STIM2: variants seen among roughly 807,000 people sequenced by gnomAD.
STIM2 encodes the protein stromal interaction molecule 2.
A neutral mutation model predicts 85.8 loss-of-function variants in STIM2; 31 were observed. That is an observed-to-expected ratio of 0.36 (90% CI 0.27 to 0.49). STIM2 has a LOEUF of 0.49. STIM2 is among the 20% of genes least tolerant of loss of function. The pLI, the probability that STIM2 is intolerant of heterozygous loss-of-function variation, is 0.98. For synonymous variants in STIM2, 356 were observed against 331.1 expected, an observed-to-expected ratio of 1.08 and a Z score of -0.82; for missense variants, 841 against 927.6, an observed-to-expected ratio of 0.91 and a Z score of 1.21.
chr4:26,949,031 A>G (rs1478498521), intron 2 of STIM2, among the ~76,000 whole-genome samples: 1 of 152,168 alleles, frequency 6.6e-6, no homozygotes, highest in Admixed American at 6.5e-5. Flanking sequence ...GTTTCTTTGT[A>G]GAATATTATT....
chr4:27,007,708 C>A lies in STIM2; in HGVS notation c.1149+8C>A. ...GCTATTGCTAAAGATGAGGTACTCTCTTGTATTTCAAAATTTACTAAATTT... is the reference window on the plus strand; with the variant it reads ...GCTATTGCTAAAGATGAGGTACTCTATTGTATTTCAAAATTTACTAAATTT... On this transcript the variant is annotated splice_region_variant and intron_variant, in intron 8 of 11. Transcript: ENST00000467087. 6.5e-7 allele frequency: 1 copy of A among 1,544,844 alleles called. No homozygotes were observed. Among genetic ancestry groups the A allele is most frequent in the African/African-American group, 1.4e-5 (1 of 72,352 alleles).
At chr4:26,959,712 A>AT (rs752598400) in intron 3 of STIM2, among the ~76,000 whole-genome samples, 5,657 of 141,896 alleles carry the variant, frequency 0.04, 206 homozygotes, top group African/African-American at 0.1. Context: ...TGTTTACTTG[A>AT]TTTTTTTTTT....
intron 3 of STIM2, among the ~76,000 whole-genome samples, chr4:26,973,545 G>T (rs368295981): frequency 6.6e-6 from 1 of 152,104 alleles, no homozygotes; most frequent in Admixed American, 6.5e-5. Flanking sequence ...GTAGTTGTGC[G>T]GTTTTGAGTG....
At chr4:26,897,531 T>C (rs1175522098) in intron 1 of STIM2, among the ~76,000 whole-genome samples, 1 of 152,222 alleles carries the variant, frequency 6.6e-6, no homozygotes, top group African/African-American at 2.4e-5. Context: ...ATTTCTATTA[T>C]CAAGCTTCAA....
chr4:26,861,454 C>A, intron 1 of STIM2, 85 bp downstream of exon 1: 1 of 1,236,698 alleles, frequency 8.1e-7, no homozygotes, highest in Non-Finnish European at 1.0e-6. Context: ...CTCCGCCGGA[C>A]GTCCGCTATT....
At chr4:26,966,593 C>T (rs992988954) in intron 3 of STIM2, among the ~76,000 whole-genome samples, 1 of 151,994 alleles carries the variant, frequency 6.6e-6, no homozygotes, top group Admixed American at 6.6e-5. Flanking sequence ...ATGTAAATTA[C>T]AAATATTAAT....
At chr4:26,878,288 C>T (rs994379623) in intron 1 of STIM2, among the ~76,000 whole-genome samples, 1 of 152,102 alleles carries the variant, frequency 6.6e-6, no homozygotes, top group Non-Finnish European at 1.5e-5. Context: ...CGTCCCTTCT[C>T]CCCCTAATCT....
chr4:27,018,316 C>T lies in STIM2; in HGVS notation c.1763+332C>T, dbSNP rs79482663. On this transcript the variant is annotated intron_variant, in intron 11 of 11. Transcript: ENST00000467087. The stretch of plus-strand genomic sequence containing the variant: ...CCTGTGGCTCCAGGACGGAGGTCCC[C>T]GTGTCTGTGCTTTCTGTCAGCTGCA... Among the ~76,000 whole-genome samples the T allele has an allele frequency of 4.1e-3, 627 of 152,228 alleles. 6 individuals carry two copies. The highest frequency in any genetic ancestry group is 0.014 in the African/African-American group (593 of 41,518).
intron 1 of STIM2, among the ~76,000 whole-genome samples, chr4:26,885,726 A>G (rs943350725): frequency 6.7e-6 from 1 of 150,258 alleles, no homozygotes; most frequent in Admixed American, 6.7e-5. Flanking sequence ...TACCTTGGTT[A>G]CCAGGCTATG....
At chr4:26,863,639 G>A (rs749025350) in intron 1 of STIM2, among the ~76,000 whole-genome samples, 3 of 152,064 alleles carry the variant, frequency 2.0e-5, no homozygotes, top group Non-Finnish European at 1.5e-5. Flanking sequence ...AAGTAAAACC[G>A]TAGACTGAAT....
chr4:26,911,079 A>AT (rs1431628916), intron 1 of STIM2, among the ~76,000 whole-genome samples: 2 of 152,026 alleles, frequency 1.3e-5, no homozygotes, highest in Non-Finnish European at 2.9e-5. Flanking sequence ...TCTACTAAAA[A>AT]TACAAAAATG....
At chr4:26,897,475 C>T (rs1312574209) in intron 1 of STIM2, among the ~76,000 whole-genome samples, 3 of 152,230 alleles carry the variant, frequency 2.0e-5, no homozygotes, top group East Asian at 1.9e-4. Flanking sequence ...TTGGATTTTA[C>T]TGTGGACATT....
At chr4:26,945,122 G>T (rs1725767829) in intron 2 of STIM2, among the ~76,000 whole-genome samples, 1 of 152,166 alleles carries the variant, frequency 6.6e-6, no homozygotes, top group Non-Finnish European at 1.5e-5. Context: ...GGAGTCTCCA[G>T]TGTGTGTTGT....
intron 1 of STIM2, among the ~76,000 whole-genome samples, chr4:26,908,133 C>T (rs1724197905): frequency 6.6e-6 from 1 of 152,118 alleles, no homozygotes; most frequent in South Asian, 2.1e-4. Flanking sequence ...TGAACATTTC[C>T]TTTTTGAAAG....
At chr4:26,949,004 T>TA (rs1177887426) in intron 2 of STIM2, among the ~76,000 whole-genome samples, 1 of 152,190 alleles carries the variant, frequency 6.6e-6, no homozygotes, top group Non-Finnish European at 1.5e-5. Context: ...ACACAGTACA[T>TA]ACAGTGTATT....
At chr4:27,011,960 T>G (rs1242990515) in intron 10 of STIM2, among the ~76,000 whole-genome samples, 2 of 152,142 alleles carry the variant, frequency 1.3e-5, no homozygotes, top group Non-Finnish European at 2.9e-5. Flanking sequence ...AGTTTTTAAG[T>G]TTTTCTTTAA....
At chr4:26,970,122 C>T (rs752425741) in intron 3 of STIM2, among the ~76,000 whole-genome samples, 17 of 149,536 alleles carry the variant, frequency 1.1e-4, no homozygotes, top group Non-Finnish European at 2.4e-4. Context: ...GTCTGACTTA[C>T]TGGAGTGTAG....
At chr4:26,934,867 C>G (rs554748899) in intron 2 of STIM2, among the ~76,000 whole-genome samples, 2 of 143,436 alleles carry the variant, frequency 1.4e-5, no homozygotes, top group Non-Finnish European at 3.0e-5. Context: ...GAGCCGAGAT[C>G]GCGCCATTGA....
intron 1 of STIM2, among the ~76,000 whole-genome samples, chr4:26,910,249 C>CGGT (rs1307525562): frequency 6.6e-6 from 1 of 152,018 alleles, no homozygotes; most frequent in African/African-American, 2.4e-5. Context: ...CGGCTGGTCA[C>CGGT]GGTGGCTCAC....
Sources: gnomAD v4.1 joint callset for allele counts (sites outside exome capture counted in the v4.1 genomes callset) on GRCh38, gnomAD v4.1.1 for gene constraint, MANE v1.5 for transcripts, NCBI Gene and HGNC (gene_info 2026-07-23, HGNC 2026-07-21) for gene names.